ENPP1: variants seen among roughly 807,000 people sequenced by gnomAD.
ENPP1 encodes ectonucleotide pyrophosphatase/phosphodiesterase family member 1.
ENPP1 carries 73 observed loss-of-function variants against 122.8 expected under a neutral mutation model. That is an observed-to-expected ratio of 0.59 (90% CI 0.49 to 0.72). The LOEUF (loss-of-function observed/expected upper bound fraction) is 0.72, where lower values mean the gene tolerates loss of function less well. Among genes scored for constraint, ENPP1 ranks in the 30% least tolerant of loss-of-function variants. The probability of loss-of-function intolerance (pLI) is 0.00; values close to 1 mark genes in which losing one functional copy is unlikely to be tolerated. For synonymous variants in ENPP1, 367 were observed against 391.6 expected (o/e 0.94, Z 0.74); for missense variants, 978 against 1,128.1 (o/e 0.87, Z 1.91).
At position 131,864,865 on chromosome 6, in the gene ENPP1, G is replaced by T; in HGVS notation, c.1092-1G>T. The T allele has an allele frequency of 6.3e-7, 1 of 1,586,576 alleles. No individual in the cohort carries two copies. The highest frequency in any genetic ancestry group is 1.1e-5 in the South Asian group (1 of 90,458). On this transcript the variant is annotated splice_acceptor_variant, in intron 10 of 24. Transcript: ENST00000647893. LOFTEE classifies it high-confidence loss of function. ...TTACATTTTGATACTGTTTGATTTAGACCACACTTTTACACTCTGTATTTA... is the reference window on the plus strand; with the variant it reads ...TTACATTTTGATACTGTTTGATTTATACCACACTTTTACACTCTGTATTTA...
At position 131,884,961 on chromosome 6, in the gene ENPP1, T is replaced by C; in HGVS notation, c.2342T>C (p.Leu781Pro). ...TGGCGCTACTTTCATGACACCCTAC[T>C]GCGAAAGTATGCTGAAGAAAGAAAT... ...VIWRYFHDTL[L>P]RKYAEERNGV... Residue 781 changes from leucine (L) to proline (P), a missense_variant, in exon 23 of 25, where the codon CTG (leucine) becomes CCG (proline). By Grantham distance (98) the Leu-to-Pro change is moderately conservative (BLOSUM62 -3). Around this residue, in one of 3 missense-constraint regions of ENPP1, gnomAD observed 644 missense variants for 781.5 expected, o/e 0.82. Coordinates refer to ENST00000647893, the MANE Select transcript of ENPP1 (RefSeq NM_006208.3). 1.2e-6 allele frequency: 2 copies of C among 1,614,092 alleles called. No homozygotes were observed. The highest frequency in any genetic ancestry group is 1.1e-5 in the South Asian group (1 of 91,082).
At chr6:131,864,391 A>G (rs1450516308) in intron 9 of ENPP1, 115 bp from the exon 10 acceptor site, 1 of 714,438 alleles carries the variant, frequency 1.4e-6, no homozygotes, top group East Asian at 2.7e-5. Context: ...TTTCAAACAC[A>G]ATAGATGCGA....
chr6:131,854,422 A>G (rs1442138976), intron 5 of ENPP1, among the ~76,000 whole-genome samples: 1 of 152,122 alleles, frequency 6.6e-6, no homozygotes, highest in African/African-American at 2.4e-5. Context: ...CAAAAATAAA[A>G]TAATAAAATA....
chr6:131,825,905 G>T, intron 1 of ENPP1: 4 of 317,498 alleles, frequency 1.3e-5, no homozygotes, highest in Non-Finnish European at 2.3e-5. Flanking sequence ...TATTAACTTA[G>T]AAAATTTTAC....
At chr6:131,825,492 A>G (rs1031078090) in intron 1 of ENPP1, among the ~76,000 whole-genome samples, 1 of 152,240 alleles carries the variant, frequency 6.6e-6, no homozygotes, top group Non-Finnish European at 1.5e-5. Context: ...CCGTAGTGCT[A>G]TGCAATGGCG....
chr6:131,834,546 T>C (rs996262385), intron 1 of ENPP1, among the ~76,000 whole-genome samples: 7 of 141,294 alleles, frequency 5.0e-5, no homozygotes, highest in Non-Finnish European at 7.6e-5. Flanking sequence ...TTTTTTTTTT[T>C]CTGAGATGGA....
chr6:131,886,784 T>C, intron 24 of ENPP1, 60 bp downstream of exon 24: 1 of 1,433,554 alleles, frequency 7.0e-7, no homozygotes, highest in Non-Finnish European at 9.8e-7. Context: ...GCATATTTGT[T>C]TATGTCACCC....
intron 13 of ENPP1, among the ~76,000 whole-genome samples, chr6:131,870,079 T>C (rs969017983): frequency 3.3e-5 from 5 of 152,020 alleles, no homozygotes; most frequent in African/African-American, 1.2e-4. Context: ...GAAGTGTGTG[T>C]TTTACTTGTG....
In ENPP1 at chr6:131,842,485, A is replaced by AT. The variant is rs76002290; in HGVS notation, c.241-5279dup. Among the ~76,000 whole-genome samples, 206 of 146,818 alleles carry AT rather than the reference A, an allele frequency of 1.4e-3. 1 individual carries two copies. Among genetic ancestry groups the AT allele is most frequent in the Non-Finnish European group, 1.9e-3 (126 of 66,308 alleles). Reference sequence around the variant, plus strand: ...TGACATTAGGACTTCACTGCAAATTATTTTTTTTTTTTGTATTTCCCCACA... The same window carrying AT: ...TGACATTAGGACTTCACTGCAAATTATTTTTTTTTTTTTGTATTTCCCCACA... On this transcript the variant is annotated intron_variant, in intron 1 of 24. Transcript: ENST00000647893.
rs191654371 is a variant in ENPP1 at position 131,890,549 on chromosome 6, G to A, written c.*38G>A. The A allele has an allele frequency of 1.3e-6, 2 of 1,535,700 alleles. No individual in the cohort carries two copies. The highest frequency in any genetic ancestry group is 1.8e-6 in the Non-Finnish European group (2 of 1,108,758). ...CCCCAAACACCATGAATCTTTTTGA[G>A]AGAACCTTATATTTTATATAGTCCT... On this transcript the variant is annotated 3_prime_UTR_variant, in exon 25 of 25. Transcript: ENST00000647893.
chr6:131,855,364 C>T (rs1022287523), intron 6 of ENPP1, among the ~76,000 whole-genome samples: 4 of 152,094 alleles, frequency 2.6e-5, no homozygotes, highest in Non-Finnish European at 4.4e-5. Context: ...CTCACTCTGT[C>T]GCCCAGGCTG....
rs993743025 is a variant in ENPP1 at position 131,817,243 on chromosome 6, T to C, written c.240+8968T>C. 4.6e-5 allele frequency among the ~76,000 whole-genome samples: 7 copies of C among 152,368 alleles called. 2 individuals carry two copies. In the Middle Eastern group the frequency reaches 0.014, roughly 296 times the overall value. On this transcript the variant is annotated intron_variant, in intron 1 of 24. Transcript: ENST00000647893. ...CATCCCATTCATTTGCTAAATGTTA[T>C]ATCCTATTCATCAAGCTTGGCCTGC...
At chr6:131,826,406 A>C in intron 1 of ENPP1, 1 of 932,168 alleles carries the variant, frequency 1.1e-6, no homozygotes, top group Non-Finnish European at 1.7e-6. Flanking sequence ...ATAGGACCCC[A>C]AAAGAGCTGC....
chr6:131,827,323 C>T, intron 1 of ENPP1: 1 of 1,325,086 alleles, frequency 7.5e-7, no homozygotes, highest in Non-Finnish European at 1.1e-6. Context: ...AGGATGAAGG[C>T]AAAGTCATTC....
chr6:131,851,570 T>G, intron 4 of ENPP1: 1 of 395,452 alleles, frequency 2.5e-6, no homozygotes, highest in South Asian at 2.3e-5. Context: ...ATTTTGATAA[T>G]AGCAGCACAC....
intron 4 of ENPP1, among the ~76,000 whole-genome samples, chr6:131,851,765 A>G (rs906792767): frequency 4.6e-5 from 7 of 152,060 alleles, no homozygotes; most frequent in Admixed American, 3.3e-4. Flanking sequence ...AGGTATTATT[A>G]TTATTTTTTT....
chr6:131,815,363 T>C (rs1206104854), intron 1 of ENPP1, among the ~76,000 whole-genome samples: 4 of 152,252 alleles, frequency 2.6e-5, no homozygotes, highest in African/African-American at 9.6e-5. Context: ...GATTCTTCGC[T>C]CTTCTTCAGC....
At chr6:131,874,677 C>T (rs1040589257) in intron 16 of ENPP1, among the ~76,000 whole-genome samples, 1 of 152,042 alleles carries the variant, frequency 6.6e-6, no homozygotes, top group African/African-American at 2.4e-5. Context: ...ATCTAGCAAT[C>T]CCACTACTGG....
chr6:131,893,300 G>A lies in ENPP1; in HGVS notation c.*2789G>A, dbSNP rs1187897482. The A allele has an allele frequency of 1.3e-5, 2 of 152,246 alleles. No homozygotes were observed. Among genetic ancestry groups the A allele is most frequent in the Non-Finnish European group, 2.9e-5 (2 of 68,048 alleles). 9.4% of individuals were successfully genotyped at this position (152,246 alleles called of 1,614,324 possible). A position where few individuals can be genotyped will look rare whatever the true frequency, so the allele number is the denominator to read the frequency against. ...ACAATTTTCTCTGTCTTAGGGAGAA[G>A]AGACAGCAGAAGTGTAAATGATCCC... On this transcript the variant is annotated 3_prime_UTR_variant, in exon 25 of 25. Coordinates refer to ENST00000647893, the MANE Select transcript of ENPP1 (RefSeq NM_006208.3).
Sources: gnomAD v4.1 joint callset for allele counts (sites outside exome capture counted in the v4.1 genomes callset) on GRCh38, gnomAD v4.1.1 for gene constraint, gnomAD v4.1.1 regional missense constraint, MANE v1.5 for transcripts, NCBI Gene and HGNC (gene_info 2026-07-23, HGNC 2026-07-21) for gene names.